ADGRB2: variants seen among roughly 807,000 people sequenced by gnomAD.
The protein encoded by ADGRB2 is brain-specific angiogenesis inhibitor 2.
A neutral mutation model predicts 178.7 loss-of-function variants in ADGRB2; 47 were observed. That is an observed-to-expected ratio of 0.26 (90% CI 0.21 to 0.34). ADGRB2 has a LOEUF of 0.34. ADGRB2 is among the 10% of genes least tolerant of loss of function. The pLI is 1.00. For missense variants in ADGRB2, 1,584 were observed against 2,180.8 expected (o/e 0.73, Z 5.45); for synonymous variants, 870 against 912.4 (o/e 0.95, Z 0.84).
rs1448435508 is a variant in ADGRB2 at position 31,728,105 on chromosome 1, G to A, written c.4516-24C>T. ...CTCTGCAACGGGGGCCACCGGTCAG[G>A]CTCCAACCCCAGGGGCCACTGCACC... On this transcript the variant is annotated intron_variant, in intron 31 of 32. Transcript: ENST00000373658. This position sits in a 1 kb window ranked among gnomAD's most constrained non-coding sequence, Gnocchi z 6.7. 1 of 1,611,646 alleles carries A rather than the reference G, an allele frequency of 6.2e-7. No individual in the cohort carries two copies. Among genetic ancestry groups the A allele is most frequent in the Non-Finnish European group, 8.5e-7 (1 of 1,179,476 alleles).
intron 25 of ADGRB2, among the ~76,000 whole-genome samples, chr1:31,734,463 G>T (rs981346525): frequency 6.6e-6 from 1 of 152,324 alleles, no homozygotes; most frequent in African/African-American, 2.4e-5. Flanking sequence ...AGGGAGCTTC[G>T]TGGTGACGGT....
intron 29 of ADGRB2, among the ~76,000 whole-genome samples, chr1:31,729,329 T>C (rs1645159050): frequency 6.6e-6 from 1 of 152,118 alleles, no homozygotes; most frequent in African/African-American, 2.4e-5. Flanking sequence ...TCGAAGGTGA[T>C]ACTAGGACCA....
chr1:31,760,038 C>T (rs952538538), intron 1 of ADGRB2, among the ~76,000 whole-genome samples: 2 of 152,182 alleles, frequency 1.3e-5, no homozygotes, highest in Non-Finnish European at 2.9e-5. Context: ...ACCTCATAAA[C>T]GCTGCCCTCT....
chr1:31,736,221 G>A, intron 22 of ADGRB2, 100 bp downstream of exon 22: 1 of 1,408,018 alleles, frequency 7.1e-7, no homozygotes, highest in Non-Finnish European at 9.8e-7. Flanking sequence ...CTTGCCCAAA[G>A]ACCCAAAACA....
At position 31,731,355 on chromosome 1, in the gene ADGRB2, G is replaced by A; in HGVS notation, c.3825C>T (p.Ser1275=). Residue 1275 remains serine, a synonymous_variant, in exon 29 of 33, where the codon TCC becomes TCT. Transcript: ENST00000373658. ...ACTTGGGCTCCTCATCCTCATCCAG[G>A]GACAGGCGGGATAGTGTGCCCGTGA... ...STITGTLSRL[S]LDEDEEPKSC... is the part of the protein sequence containing the mutation. 1 of 1,612,672 alleles carries A rather than the reference G, an allele frequency of 6.2e-7. No homozygotes were observed. Among genetic ancestry groups the A allele is most frequent in the South Asian group, 1.1e-5 (1 of 91,024 alleles).
In ADGRB2 at chr1:31,756,458, G is replaced by C. The variant is rs200836738; in HGVS notation, c.379C>G (p.Arg127Gly). 2.5e-6 allele frequency: 4 copies of C among 1,610,770 alleles called. No homozygotes were observed. Among genetic ancestry groups the C allele is most frequent in the African/African-American group, 2.7e-5 (2 of 75,022 alleles). ...AVAQAESEVG[R>G]PEEEEAEAAA... ...GCCTCTGCCTCCTCCTCTTCTGGCC[G>C]CCCCACCTCTGACTCCGCCTGGGCC... The change falls in exon 4 of 33, where the codon CGG becomes GGG. Residue 127 changes from arginine (R) to glycine (G), a missense_variant. Around this residue, in one of 3 missense-constraint regions of ADGRB2, gnomAD observed 657 missense variants for 847.6 expected, o/e 0.78. Transcript: ENST00000373658. The surrounding 1 kb of genome is among the most constrained non-coding windows in gnomAD (Gnocchi z 8.5).
rs1489993435 is a variant in ADGRB2, at chr1:31,741,919, T to C, written c.1466A>G (p.Lys489Arg). ...GPWNAWSLCS[K>R]TCDTGWQRRF... ...GCGCTGCCAGCCTGTGTCACACGTC[T>C]TAGAGCACAGGCTCCACGCATTCCA... Residue 489 changes from lysine (K) to arginine (R), a missense_variant, in exon 9 of 33, where the codon AAG (lysine) becomes AGG (arginine). Lys to Arg is a conservative substitution (Grantham distance 26, BLOSUM62 2). This residue lies in a region of ADGRB2 where 657 missense variants were observed against 847.6 expected (regional missense o/e 0.78). Transcript: ENST00000373658. This position sits in a 1 kb window ranked among gnomAD's most constrained non-coding sequence, Gnocchi z 6.5. 6.2e-7 allele frequency: 1 copy of C among 1,609,488 alleles called. No homozygotes were observed. The highest frequency in any genetic ancestry group is 2.2e-5 in the East Asian group (1 of 44,742).
rs1569763798 is a variant in ADGRB2 at position 31,732,418 on chromosome 1, A to T, written c.3720+99T>A. 2.1e-6 allele frequency: 3 copies of T among 1,416,878 alleles called. No homozygotes were observed. In the East Asian group the frequency reaches 7.2e-5, roughly 34 times the overall value. The allele number at this position is 1,416,878 out of a possible 1,614,324, so 87.8% of individuals were successfully genotyped here. A position where few individuals can be genotyped will look rare whatever the true frequency, so the allele number is the denominator to read the frequency against. ...TGAATCAAACCCAATCCCTGTCCCA[A>T]CCCTGCCATGGATGGGGAAGGTAAA... On this transcript the variant is annotated intron_variant, in intron 27 of 32. Coordinates refer to ENST00000373658, the MANE Select transcript of ADGRB2 (RefSeq NM_001364857.2).
At chr1:31,746,384 A>G (rs1003189207) in intron 4 of ADGRB2, among the ~76,000 whole-genome samples, 4 of 151,718 alleles carry the variant, frequency 2.6e-5, no homozygotes, top group Admixed American at 6.6e-5. Flanking sequence ...CTCTCTTGGG[A>G]CCACAGAGGA....
chr1:31,738,691 C>T, intron 16 of ADGRB2, 61 bp from the exon 17 acceptor site: 4 of 1,603,644 alleles, frequency 2.5e-6, no homozygotes, highest in Non-Finnish European at 3.4e-6. Flanking sequence ...CCCACCACTG[C>T]CCATGCCATG....
chr1:31,759,489 C>T lies in ADGRB2; in HGVS notation c.-190-1978G>A. On this transcript the variant is annotated intron_variant, in intron 1 of 32. Transcript: ENST00000373658. This position sits in a 1 kb window ranked among gnomAD's most constrained non-coding sequence, Gnocchi z 4.3. ...GCCCCATCAAGAAGCACAAGGTCCA[C>T]ATCCTTCAGAGCCACAGGCTGGCTT... 2.8e-6 allele frequency: 2 copies of T among 709,100 alleles called. No individual in the cohort carries two copies. The highest frequency in any genetic ancestry group is 3.1e-5 in the South Asian group (2 of 63,900). 43.9% of individuals were successfully genotyped at this position (709,100 alleles called of 1,614,324 possible).
chr1:31,739,812 G>A, intron 14 of ADGRB2, 114 bp downstream of exon 14: 1 of 1,220,724 alleles, frequency 8.2e-7, no homozygotes, highest in African/African-American at 1.5e-5. Flanking sequence ...CATAGATGAA[G>A]GAGAGGGTAG....
chr1:31,739,090 T>G, intron 15 of ADGRB2, 153 bp from the exon 16 acceptor site: 1 of 828,786 alleles, frequency 1.2e-6, no homozygotes. Context: ...TCAGGTGAGG[T>G]CTAGAGCTCT....
chr1:31,733,063 C>T lies in ADGRB2; in HGVS notation c.3533G>A (p.Arg1178His), dbSNP rs748743741. The T allele has an allele frequency of 2.5e-6, 4 of 1,580,682 alleles. No homozygotes were observed. Among genetic ancestry groups the T allele is most frequent in the African/African-American group, 1.3e-5 (1 of 74,250 alleles). ...GAGGGCCTGGAAGAGGACGGAACGG[C>T]GGTCTGTCATAGCCAGGACGGCAGA... ...WMSAVLAMTDRRSVLFQALFA... is the reference protein window; with the variant it reads ...WMSAVLAMTDHRSVLFQALFA... Residue 1178 changes from arginine (R) to histidine (H), a missense_variant, in exon 26 of 33, where the codon CGC (arginine) becomes CAC (histidine). Arg to His is a conservative substitution (Grantham distance 29, BLOSUM62 0). Around this residue, in one of 3 missense-constraint regions of ADGRB2, gnomAD observed 865 missense variants for 1,192.8 expected, o/e 0.73. Transcript: ENST00000373658. This position sits in a 1 kb window ranked among gnomAD's most constrained non-coding sequence, Gnocchi z 4.3.
At chr1:31,748,691 C>A (rs1158609641) in intron 4 of ADGRB2, among the ~76,000 whole-genome samples, 25 of 152,282 alleles carry the variant, frequency 1.6e-4, no homozygotes, top group Non-Finnish European at 1.0e-4. Context: ...TGCAGTCCTG[C>A]AATCTATCAG....
At chr1:31,750,079 C>T (rs1646486664) in intron 4 of ADGRB2, among the ~76,000 whole-genome samples, 1 of 152,222 alleles carries the variant, frequency 6.6e-6, no homozygotes, top group African/African-American at 2.4e-5. Flanking sequence ...ATTCCCTGCC[C>T]TTGAAATACC....
chr1:31,739,032 A>G, intron 15 of ADGRB2, 95 bp from the exon 16 acceptor site: 2 of 1,136,908 alleles, frequency 1.8e-6, no homozygotes, highest in Non-Finnish European at 2.5e-6. Flanking sequence ...AGAGGCTTCC[A>G]AGGAGCCAAG....
chr1:31,759,508 C>T lies in ADGRB2; in HGVS notation c.-190-1997G>A. 1 of 666,984 alleles carries T rather than the reference C, an allele frequency of 1.5e-6. No homozygotes were observed. The highest frequency in any genetic ancestry group is 2.8e-6 in the Non-Finnish European group (1 of 362,516). 41.3% of individuals were successfully genotyped at this position (666,984 alleles called of 1,614,324 possible). A position where few individuals can be genotyped will look rare whatever the true frequency, so the allele number is the denominator to read the frequency against. ...GGTCCACATCCTTCAGAGCCACAGG[C>T]TGGCTTCTCCAGAATGGAGTCACTT... is the stretch of plus-strand genomic sequence containing the variant. On this transcript the variant is annotated intron_variant, in intron 1 of 32. Coordinates refer to ENST00000373658, the MANE Select transcript of ADGRB2 (RefSeq NM_001364857.2). The surrounding 1 kb of genome is among the most constrained non-coding windows in gnomAD (Gnocchi z 4.3).
chr1:31,737,499 A>G lies in ADGRB2; in HGVS notation c.2909T>C (p.Leu970Pro). Residue 970 changes from leucine (L) to proline (P), a missense_variant, in exon 20 of 33, where the codon CTG (leucine) becomes CCG (proline). Leu to Pro is a moderately conservative substitution (Grantham distance 98). Coordinates refer to ENST00000373658, the MANE Select transcript of ADGRB2 (RefSeq NM_001364857.2). Reference protein sequence around the residue: ...FIKSERSIILLNFCLSILASN... With the variant: ...FIKSERSIILPNFCLSILASN... ...TGCCAAGATGGACAGGCAGAAGTTC[A>G]GCAAGATGATGGAGCGTTCAGATTT... The G allele has an allele frequency of 1.2e-6, 2 of 1,614,196 alleles. No individual in the cohort carries two copies. Among genetic ancestry groups the G allele is most frequent in the Non-Finnish European group, 1.7e-6 (2 of 1,180,024 alleles).
Sources: allele counts gnomAD v4.1 joint callset (sites outside exome capture counted in the v4.1 genomes callset), GRCh38; gene constraint gnomAD v4.1.1; regional missense constraint gnomAD v4.1.1; non-coding constraint Gnocchi (gnomAD v3.1); transcripts MANE v1.5; gene names NCBI Gene and HGNC (gene_info 2026-07-23, HGNC 2026-07-21).